The following CPNE4 variants were observed in gnomAD, a reference collection of about 807,000 sequenced individuals.
CPNE4 encodes the protein copine-4.
A neutral mutation model predicts 67.9 loss-of-function variants in CPNE4; 25 were observed. The observed-to-expected ratio is 0.37, with a 90% CI of 0.27 to 0.51. The LOEUF (loss-of-function observed/expected upper bound fraction) is 0.51, where lower values mean the gene tolerates loss of function less well. Ranked by LOEUF, CPNE4 falls within the 20% of genes least tolerant of loss-of-function variation. The pLI is 0.93. For synonymous variants in CPNE4, 242 were observed against 244.9 expected (o/e 0.99, Z 0.11); for missense variants, 464 against 690.8 (o/e 0.67, Z 3.68).
At chr3:132,033,134 T>A (rs1388629304) in intron 1 of CPNE4, among the ~76,000 whole-genome samples, 1 of 152,274 alleles carries the variant, frequency 6.6e-6, no homozygotes, top group Admixed American at 6.5e-5. Flanking sequence ...CCTGTGTATG[T>A]GTGCGCGCGG....
chr3:131,559,657 T>G (rs1384731709), intron 11 of CPNE4, among the ~76,000 whole-genome samples: 3 of 152,020 alleles, frequency 2.0e-5, no homozygotes, highest in Non-Finnish European at 2.9e-5. Context: ...ACAGTGATTA[T>G]AACAGAATTT....
At chr3:131,715,177 T>C (rs1052880487) in intron 3 of CPNE4, among the ~76,000 whole-genome samples, 2 of 152,132 alleles carry the variant, frequency 1.3e-5, no homozygotes, top group East Asian at 3.9e-4. Flanking sequence ...GGTGCTGAGT[T>C]TGTAAGATTT....
chr3:131,722,447 C>A (rs1382758312), intron 3 of CPNE4, among the ~76,000 whole-genome samples: 1 of 150,630 alleles, frequency 6.6e-6, no homozygotes, highest in Non-Finnish European at 1.5e-5. Flanking sequence ...CCCCATACCC[C>A]CCCACGTTTG....
chr3:131,720,957 C>A (rs761445074), intron 3 of CPNE4, among the ~76,000 whole-genome samples: 6 of 152,150 alleles, frequency 3.9e-5, no homozygotes, highest in Non-Finnish European at 7.3e-5. Context: ...TTTCTTCTCA[C>A]CTGATGCACT....
intron 1 of CPNE4, among the ~76,000 whole-genome samples, chr3:132,019,878 T>C (rs1323800664): frequency 6.6e-6 from 1 of 152,156 alleles, no homozygotes; most frequent in African/African-American, 2.4e-5. Context: ...CATTCCTGTG[T>C]CTATCTGTCT....
chr3:131,652,791 G>T (rs1288721180), intron 7 of CPNE4, among the ~76,000 whole-genome samples: 1 of 152,134 alleles, frequency 6.6e-6, no homozygotes, highest in African/African-American at 2.4e-5. Context: ...ACTTATGTAG[G>T]CAACTGCCAT....
intron 8 of CPNE4, among the ~76,000 whole-genome samples, chr3:131,583,393 G>T (rs555754470): frequency 1.3e-5 from 2 of 152,116 alleles, no homozygotes; most frequent in African/African-American, 2.4e-5. Context: ...TTGCCCCAAA[G>T]CTTCCTCTAA....
intron 2 of CPNE4, among the ~76,000 whole-genome samples, chr3:131,748,846 TTC>T (rs1331171431): frequency 6.6e-6 from 1 of 152,084 alleles, no homozygotes. Context: ...AACTTGTGTC[TTC>T]TCTCTTTTTT....
rs1228760964 is a variant in CPNE4 at position 131,989,983 on chromosome 3, T to C, written c.-2+44584A>G. On this transcript the variant is annotated intron_variant, in intron 1 of 15. Coordinates refer to ENST00000429747, the MANE Select transcript of CPNE4 (RefSeq NM_130808.3). ...CAGGAAGCTCCATTTGGAAGGGGAA[T>C]GTTGCTGGACTATGGGCATAATGAA... 1.5e-5 allele frequency among the ~76,000 whole-genome samples: 2 copies of C among 136,238 alleles called. 1 individual carries two copies. Among genetic ancestry groups the C allele is most frequent in the Non-Finnish European group, 3.3e-5 (2 of 60,080 alleles). The allele number at this position is 136,238 out of a possible 152,430, so 89.4% of individuals were successfully genotyped here.
At chr3:131,942,250 T>C (rs1367335789) in intron 1 of CPNE4, among the ~76,000 whole-genome samples, 1 of 152,068 alleles carries the variant, frequency 6.6e-6, no homozygotes, top group African/African-American at 2.4e-5. Flanking sequence ...CTTTAAAATG[T>C]GTAATTTATA....
chr3:131,773,407 G>C lies in CPNE4; in HGVS notation c.181-49782C>G, dbSNP rs1331030164. On this transcript the variant is annotated intron_variant, in intron 2 of 15. Transcript: ENST00000429747. ...CTGTCACCCAGGCTGGAATGCAGTGGTGTGATCTCAGCTCACTTCACACTC... is the reference window on the plus strand; with the variant it reads ...CTGTCACCCAGGCTGGAATGCAGTGCTGTGATCTCAGCTCACTTCACACTC... 2.0e-5 allele frequency among the ~76,000 whole-genome samples: 3 copies of C among 151,768 alleles called. No homozygotes were observed. In the East Asian group the frequency reaches 5.8e-4, roughly 29 times the overall value.
At position 131,943,850 on chromosome 3, in the gene CPNE4, A is replaced by C. The variant is rs926343233; in HGVS notation, c.-1-38406T>G. On this transcript the variant is annotated intron_variant, in intron 1 of 15. Transcript: ENST00000429747. ...CCCTCCTTGTGCATTACGCTGTAGC[A>C]ATTCTTAAAGTCCCCTCAAACATAC... 6.6e-5 allele frequency among the ~76,000 whole-genome samples: 10 copies of C among 152,262 alleles called. No individual in the cohort carries two copies. The South Asian group carries it at 2.1e-3, about 31-fold the overall frequency.
At chr3:131,675,224 T>C (rs144334860) in intron 6 of CPNE4, among the ~76,000 whole-genome samples, 59 of 152,242 alleles carry the variant, frequency 3.9e-4, no homozygotes, top group Non-Finnish European at 7.4e-4. Flanking sequence ...AGTTTTGTGA[T>C]CAAATACATG....
chr3:131,694,849 A>T (rs2081113775), intron 5 of CPNE4, among the ~76,000 whole-genome samples: 1 of 152,234 alleles, frequency 6.6e-6, no homozygotes, highest in South Asian at 2.1e-4. Context: ...CATAGACAGC[A>T]GAACTGCCCA....
chr3:131,844,259 CTTT>C (rs569052106), intron 2 of CPNE4, among the ~76,000 whole-genome samples: 3 of 136,132 alleles, frequency 2.2e-5, no homozygotes, highest in Non-Finnish European at 1.6e-5. Context: ...TCTGTATGTT[CTTT>C]TTTTTTTTTT....
intron 2 of CPNE4, among the ~76,000 whole-genome samples, chr3:131,833,884 A>C (rs575330780): frequency 6.6e-6 from 1 of 152,310 alleles, no homozygotes; most frequent in South Asian, 2.1e-4. Flanking sequence ...CTGCAAGAGG[A>C]AATTGACATT....
intron 3 of CPNE4, 135 bp downstream of exon 3, chr3:131,723,311 T>C (rs987526622): frequency 1.5e-5 from 11 of 740,616 alleles, no homozygotes; most frequent in African/African-American, 1.1e-4. Flanking sequence ...ACCTGGGAAG[T>C]TGTAAAATGC....
intron 2 of CPNE4, among the ~76,000 whole-genome samples, chr3:131,832,632 C>A (rs929603820): frequency 1.3e-5 from 2 of 152,158 alleles, no homozygotes; most frequent in Non-Finnish European, 2.9e-5. Flanking sequence ...AATGTCTATC[C>A]TACATCTGTC....
intron 1 of CPNE4, among the ~76,000 whole-genome samples, chr3:131,975,954 C>T (rs1039583996): frequency 6.6e-5 from 10 of 151,444 alleles, no homozygotes; most frequent in South Asian, 2.1e-4. Context: ...TGATACGGTG[C>T]GGTAAAATAG....
Sources: gnomAD v4.1 joint callset for allele counts (sites outside exome capture counted in the v4.1 genomes callset) on GRCh38, gnomAD v4.1.1 for gene constraint, MANE v1.5 for transcripts, NCBI Gene and HGNC (gene_info 2026-07-23, HGNC 2026-07-21) for gene names.